APP: variants seen among roughly 807,000 people sequenced by gnomAD.
APP encodes the protein amyloid-beta precursor protein.
APP carries 31 observed loss-of-function variants against 101.4 expected under a neutral mutation model. That is an observed-to-expected ratio of 0.31 (90% CI 0.23 to 0.41). The LOEUF (loss-of-function observed/expected upper bound fraction) is 0.41. Among genes scored for constraint, APP ranks in the 10% least tolerant of loss-of-function variants. The pLI is 1.00. For missense variants in APP, 839 were observed against 1,003.7 expected (o/e 0.84, Z 2.22); for synonymous variants, 366 against 364.4 (o/e 1.00, Z -0.05).
chr21:26,017,198 C>CAAAAAAAAAAAAAAAAAAAAAAAAAA lies in APP; in HGVS notation c.865+4641_865+4642insTTTTTTTTTTTTTTTTTTTTTTTTTT. On this transcript the variant is annotated intron_variant, in intron 6 of 17. Coordinates refer to ENST00000346798, the MANE Select transcript of APP (RefSeq NM_000484.4). ...TGGGTGACAGAGCGAGACTGTATCT[C>CAAAAAAAAAAAAAAAAAAAAAAAAAA]AAAAAAAAAAAAAAAAAAAATTCTT... Among the ~76,000 whole-genome samples the CAAAAAAAAAAAAAAAAAAAAAAAAAA allele has an allele frequency of 2.5e-4, 14 of 56,358 alleles. 2 individuals carry two copies. Among genetic ancestry groups the CAAAAAAAAAAAAAAAAAAAAAAAAAA allele is most frequent in the African/African-American group, 9.3e-4 (11 of 11,808 alleles). 37.0% of individuals were successfully genotyped at this position (56,358 alleles called of 152,430 possible). A position where few individuals can be genotyped will look rare whatever the true frequency, so the allele number is the denominator to read the frequency against.
intron 17 of APP, among the ~76,000 whole-genome samples, chr21:25,885,941 A>G (rs952465757): frequency 1.3e-5 from 2 of 152,146 alleles, no homozygotes; most frequent in Non-Finnish European, 2.9e-5. Context: ...GAGTATTTAC[A>G]TGCGGGTGTG....
At chr21:25,894,942 ACAGCCACCACAAACCTCAG>A (rs1279866703) in intron 16 of APP, among the ~76,000 whole-genome samples, 2 of 152,212 alleles carry the variant, frequency 1.3e-5, no homozygotes, top group Non-Finnish European at 2.9e-5. Context: ...GGAAATTGCC[ACAGCCACCACAAACCTCAG>A]CAGCCACCAC....
chr21:25,959,897 C>T (rs1332275338), intron 11 of APP, among the ~76,000 whole-genome samples: 4 of 152,176 alleles, frequency 2.6e-5, no homozygotes, highest in Non-Finnish European at 5.9e-5. Flanking sequence ...TTGCTGATCT[C>T]ATTTAATACT....
chr21:25,975,881 G>C, intron 10 of APP, 73 bp downstream of exon 10: 2 of 1,236,790 alleles, frequency 1.6e-6, no homozygotes, highest in Non-Finnish European at 2.4e-6. Flanking sequence ...GGCAGATAAA[G>C]GTAAACCTGC....
chr21:26,158,605 T>C (rs1377238414), intron 1 of APP, among the ~76,000 whole-genome samples: 2 of 152,148 alleles, frequency 1.3e-5, no homozygotes, highest in African/African-American at 4.8e-5. Context: ...CAATGCCTCG[T>C]CCCCATTTTA....
At chr21:26,141,706 T>C (rs2063049346) in intron 1 of APP, among the ~76,000 whole-genome samples, 1 of 152,242 alleles carries the variant, frequency 6.6e-6, no homozygotes, top group Non-Finnish European at 1.5e-5. Flanking sequence ...TGGGCTGTAT[T>C]ATTTCTTTTA....
chr21:26,134,688 C>G (rs553370341), intron 1 of APP, among the ~76,000 whole-genome samples: 1 of 152,272 alleles, frequency 6.6e-6, no homozygotes, highest in Non-Finnish European at 1.5e-5. Context: ...ATTAGTTTAT[C>G]AACTCAAACT....
chr21:25,895,889 T>C (rs900938990), intron 16 of APP, among the ~76,000 whole-genome samples: 8 of 152,220 alleles, frequency 5.3e-5, no homozygotes, highest in Non-Finnish European at 1.0e-4. Flanking sequence ...TTTTGTAATA[T>C]TCATTGCACT....
At chr21:25,893,595 A>G (rs2037835365) in intron 16 of APP, among the ~76,000 whole-genome samples, 1 of 152,372 alleles carries the variant, frequency 6.6e-6, no homozygotes, top group Non-Finnish European at 1.5e-5. Flanking sequence ...CTTAGGCCAA[A>G]GCCTAATCAA....
chr21:26,095,837 T>C (rs970494605), intron 2 of APP, among the ~76,000 whole-genome samples: 1 of 152,240 alleles, frequency 6.6e-6, no homozygotes, highest in Non-Finnish European at 1.5e-5. Context: ...AATTTGCTAA[T>C]ACAGCAAACA....
chr21:26,051,004 C>T lies in APP; in HGVS notation c.658G>A (p.Gly220Arg), dbSNP rs2045815178. 1 of 1,614,050 alleles carries T rather than the reference C, an allele frequency of 6.2e-7. No homozygotes were observed. Among genetic ancestry groups the T allele is most frequent in the Non-Finnish European group, 8.5e-7 (1 of 1,180,032 alleles). Residue 220 changes from glycine to arginine, a missense_variant, in exon 5 of 18, where the codon GGG becomes AGG. By Grantham distance (125) the Gly-to-Arg change is moderately radical. Transcript: ENST00000346798. ...TGAACACAAAGGCCACCTTACCTCC[C>T]ATCTGCATAGTCTGTGTCTGCTCCG... Reference protein sequence around the residue: ...WGGADTDYADGSEDKVVEVAE... With the variant: ...WGGADTDYADRSEDKVVEVAE...
rs1404696989 is a variant in APP at position 26,080,851 on chromosome 21, T to A, written c.355+9092A>T. Among the ~76,000 whole-genome samples the A allele has an allele frequency of 3.3e-5, 5 of 151,868 alleles. 1 individual carries two copies. The highest frequency in any genetic ancestry group is 1.5e-5 in the Non-Finnish European group (1 of 67,990). On this transcript the variant is annotated intron_variant, in intron 3 of 17. Transcript: ENST00000346798. Reference sequence around the variant, plus strand: ...ACTGGAAAATGGTTCCTAAAGACCATAATCTAGGTGCAGTACTGGTGTTTA... The same window carrying A: ...ACTGGAAAATGGTTCCTAAAGACCAAAATCTAGGTGCAGTACTGGTGTTTA...
intron 17 of APP, among the ~76,000 whole-genome samples, chr21:25,890,443 T>C (rs1271897817): frequency 6.6e-6 from 1 of 152,150 alleles, no homozygotes; most frequent in African/African-American, 2.4e-5. Context: ...TTTTCTCTGA[T>C]GGAAAAAGCA....
At position 26,001,619 on chromosome 21, in the gene APP, C is replaced by G. The variant is rs191991615; in HGVS notation, c.866-1437G>C. Among the ~76,000 whole-genome samples the G allele has an allele frequency of 5.6e-4, 86 of 152,354 alleles. 1 individual carries two copies. In the East Asian group the frequency reaches 0.011, roughly 19 times the overall value. ...GTTCAAGTGATTCTTGCGCCTCAGC[C>G]TCCCAAGTAGCTGGGATTACCCTTG... On this transcript the variant is annotated intron_variant, in intron 6 of 17. Transcript: ENST00000346798.
intron 1 of APP, among the ~76,000 whole-genome samples, chr21:26,156,392 A>T (rs569831930): frequency 1.3e-5 from 2 of 152,392 alleles, no homozygotes; most frequent in African/African-American, 4.8e-5. Context: ...TACAACAGAT[A>T]TTAATCAATA....
At chr21:26,045,838 A>C (rs1054343571) in intron 5 of APP, among the ~76,000 whole-genome samples, 8 of 152,144 alleles carry the variant, frequency 5.3e-5, no homozygotes, top group South Asian at 2.1e-4. Flanking sequence ...GTATTAGTTC[A>C]TTTGCATGTT....
intron 14 of APP, among the ~76,000 whole-genome samples, chr21:25,907,568 TTAAAA>T (rs2038858771): frequency 2.0e-5 from 3 of 152,136 alleles, no homozygotes; most frequent in Admixed American, 6.5e-5. Flanking sequence ...TTTAATAGAG[TTAAAA>T]TAAAATGTAA....
intron 16 of APP, among the ~76,000 whole-genome samples, chr21:25,893,523 T>C (rs1306880863): frequency 6.6e-6 from 1 of 152,224 alleles, no homozygotes; most frequent in African/African-American, 2.4e-5. Flanking sequence ...AACAGCCTTA[T>C]TGCTGATACG....
chr21:25,933,243 C>A (rs1240892702), intron 13 of APP, among the ~76,000 whole-genome samples: 4 of 152,142 alleles, frequency 2.6e-5, no homozygotes, highest in African/African-American at 7.2e-5. Context: ...GGTCTACAGG[C>A]ATGCACCATC....
Sources: allele counts gnomAD v4.1 joint callset (sites outside exome capture counted in the v4.1 genomes callset), GRCh38; gene constraint gnomAD v4.1.1; transcripts MANE v1.5; gene names NCBI Gene and HGNC (gene_info 2026-07-23, HGNC 2026-07-21).